The following FRMD4A variants were observed in gnomAD, a reference collection of about 807,000 sequenced individuals.
The protein encoded by FRMD4A is FERM domain-containing protein 4A.
A neutral mutation model predicts 129.1 loss-of-function variants in FRMD4A; 29 were observed. The ratio of observed to expected loss-of-function variants is 0.22; its 90% CI spans 0.17 to 0.31. The LOEUF is 0.31. Ranked by LOEUF, FRMD4A falls within the 10% of genes least tolerant of loss-of-function variation. The pLI is 1.00. For missense variants in FRMD4A, 1,272 were observed against 1,375.8 expected (o/e 0.92, Z 1.19); for synonymous variants, 634 against 571.6 (o/e 1.11, Z -1.56).
At chr10:14,259,080 G>A (rs951812431) in intron 2 of FRMD4A, among the ~76,000 whole-genome samples, 3 of 152,164 alleles carry the variant, frequency 2.0e-5, no homozygotes, top group Admixed American at 2.0e-4. Context: ...TATTATTATA[G>A]TGATGGTCTA....
At chr10:14,299,973 G>C (rs1233141839) in intron 2 of FRMD4A, among the ~76,000 whole-genome samples, 1 of 152,086 alleles carries the variant, frequency 6.6e-6, no homozygotes, top group African/African-American at 2.4e-5. Flanking sequence ...ACATGAGAAA[G>C]AGAAAGTGCA....
intron 2 of FRMD4A, among the ~76,000 whole-genome samples, chr10:14,034,919 C>A (rs1029818236): frequency 6.6e-6 from 1 of 152,320 alleles, no homozygotes; most frequent in African/African-American, 2.4e-5. Flanking sequence ...CATAGTGGAA[C>A]ACTGGCATCA....
chr10:14,211,611 G>A (rs1486553956), intron 2 of FRMD4A, among the ~76,000 whole-genome samples: 1 of 152,156 alleles, frequency 6.6e-6, no homozygotes. Context: ...TAGGGTCAAA[G>A]ATTGTATTCT....
intron 5 of FRMD4A, among the ~76,000 whole-genome samples, chr10:13,790,932 AAGAG>A (rs1265231588): frequency 6.6e-6 from 1 of 152,014 alleles, no homozygotes; most frequent in Non-Finnish European, 1.5e-5. Flanking sequence ...GATAGAGAAA[AAGAG>A]AGGAAAGGCT....
rs1232501613 is a variant in FRMD4A, at chr10:13,958,282, T to A, written c.46-99370A>T. Among the ~76,000 whole-genome samples the A allele has an allele frequency of 2.2e-3, 15 of 6,926 alleles. 1 individual carries two copies. Among genetic ancestry groups the A allele is most frequent in the Non-Finnish European group, 2.0e-3 (8 of 4,072 alleles). The allele number at this position is 6,926 out of a possible 152,430, so 4.5% of individuals were successfully genotyped here. A position where few individuals can be genotyped will look rare whatever the true frequency, so the allele number is the denominator to read the frequency against. On this transcript the variant is annotated intron_variant, in intron 2 of 24. Transcript: ENST00000357447. ...GCGTGAACAACAGCCATGACCATTG[T>A]TTTTTTTTTTTTTTTTTTTGGAGAC...
intron 2 of FRMD4A, among the ~76,000 whole-genome samples, chr10:14,128,100 C>A (rs986420179): frequency 2.9e-5 from 1 of 34,176 alleles, no homozygotes; most frequent in African/African-American, 9.8e-5. Context: ...TTCTTTCTTT[C>A]TTTCTTTTCT....
intron 2 of FRMD4A, among the ~76,000 whole-genome samples, chr10:14,282,626 TGG>T (rs1845558567): frequency 3.9e-3 from 1 of 258 alleles, no homozygotes; most frequent in Admixed American, 0.042. Flanking sequence ...TGAAAAAGTG[TGG>T]GGGACCCTTC....
chr10:13,663,930 T>C (rs1241966515), intron 18 of FRMD4A, among the ~76,000 whole-genome samples: 1 of 152,236 alleles, frequency 6.6e-6, no homozygotes, highest in Admixed American at 6.5e-5. Context: ...GCACTTTGCT[T>C]TGCTTCTGTG....
chr10:13,692,809 G>A (rs1257727862), intron 15 of FRMD4A: 1 of 152,110 alleles, frequency 6.6e-6, no homozygotes, highest in Non-Finnish European at 1.5e-5. Flanking sequence ...TTCTTTGCGT[G>A]GCTCAGAGAC....
intron 2 of FRMD4A, among the ~76,000 whole-genome samples, chr10:14,101,668 T>C (rs1258354071): frequency 1.3e-5 from 2 of 152,108 alleles, no homozygotes; most frequent in Admixed American, 1.3e-4. Context: ...TTGGACCTGG[T>C]CTTTATGGTC....
chr10:13,760,410 T>G (rs10450541), intron 8 of FRMD4A, among the ~76,000 whole-genome samples: 2 of 152,054 alleles, frequency 1.3e-5, no homozygotes, highest in African/African-American at 4.8e-5. Flanking sequence ...TCCCAGCAAC[T>G]TGGGAGGCTG....
intron 15 of FRMD4A, among the ~76,000 whole-genome samples, chr10:13,686,778 C>T (rs1392465312): frequency 1.3e-5 from 2 of 152,172 alleles, no homozygotes; most frequent in Non-Finnish European, 2.9e-5. Flanking sequence ...GAGAATGGGT[C>T]GTTTATGGCC....
intron 2 of FRMD4A, among the ~76,000 whole-genome samples, chr10:14,123,943 C>G (rs569825946): frequency 6.6e-6 from 1 of 152,286 alleles, no homozygotes; most frequent in Non-Finnish European, 1.5e-5. Context: ...ATTCTGCAAC[C>G]CATTTGCTCC....
chr10:13,679,037 A>T (rs940558528), intron 15 of FRMD4A, among the ~76,000 whole-genome samples: 26 of 152,060 alleles, frequency 1.7e-4, no homozygotes, highest in African/African-American at 6.0e-4. Context: ...GTCCTACAAC[A>T]AATCTCCCCC....
At chr10:14,252,454 T>G (rs994916248) in intron 2 of FRMD4A, among the ~76,000 whole-genome samples, 1 of 152,232 alleles carries the variant, frequency 6.6e-6, no homozygotes, top group Non-Finnish European at 1.5e-5. Flanking sequence ...TGACTCTTTT[T>G]GGGGTACTTT....
chr10:14,197,485 C>A (rs559588929), intron 2 of FRMD4A, among the ~76,000 whole-genome samples: 1 of 152,086 alleles, frequency 6.6e-6, no homozygotes, highest in Non-Finnish European at 1.5e-5. Flanking sequence ...CTCAGCCTCC[C>A]GAGTAGCTGG....
intron 2 of FRMD4A, among the ~76,000 whole-genome samples, chr10:13,983,666 T>C (rs1017521801): frequency 2.6e-5 from 4 of 152,068 alleles, no homozygotes; most frequent in Admixed American, 2.6e-4. Flanking sequence ...AGGAGATACC[T>C]AGGAGGTGAG....
intron 12 of FRMD4A, among the ~76,000 whole-genome samples, chr10:13,715,187 T>A (rs2088659951): frequency 2.0e-5 from 3 of 152,186 alleles, no homozygotes; most frequent in Admixed American, 6.5e-5. Flanking sequence ...GAACCCTGGG[T>A]GGGAGGTCAG....
At chr10:14,277,135 T>C (rs1323681887) in intron 2 of FRMD4A, among the ~76,000 whole-genome samples, 8 of 152,310 alleles carry the variant, frequency 5.3e-5, no homozygotes, top group African/African-American at 1.9e-4. Context: ...CTGCTGGGAT[T>C]ATAGGCGTGA....
Sources: allele counts gnomAD v4.1 joint callset (sites outside exome capture counted in the v4.1 genomes callset), GRCh38; gene constraint gnomAD v4.1.1; transcripts MANE v1.5; gene names NCBI Gene and HGNC (gene_info 2026-07-23, HGNC 2026-07-21).